The following SEMA3D variants were observed in gnomAD, a reference collection of about 807,000 sequenced individuals.
SEMA3D encodes semaphorin-3D.
Under a neutral mutation model 100.1 loss-of-function variants are expected in SEMA3D, and 84 were observed. That is an observed-to-expected ratio of 0.84 (90% confidence interval 0.70 to 1.01). The LOEUF (loss-of-function observed/expected upper bound fraction) is 1.01, where lower values mean the gene tolerates loss of function less well. Among genes scored for constraint, SEMA3D ranks in the 50% least tolerant of loss-of-function variants. The pLI is 0.00. For synonymous variants in SEMA3D, 312 were observed against 320.7 expected (o/e 0.97, Z 0.29); for missense variants, 875 against 934.1 (o/e 0.94, Z 0.82).
intron 2 of SEMA3D, among the ~76,000 whole-genome samples, chr7:85,134,110 G>A (rs1038801281): frequency 2.6e-5 from 4 of 151,938 alleles, no homozygotes; most frequent in Middle Eastern, 3.4e-3. Flanking sequence ...ATTTTCCTCC[G>A]AACTTCTAAT....
chr7:85,055,959 T>G (rs1406845315), intron 8 of SEMA3D, 100 bp from the exon 9 acceptor site: 1 of 617,822 alleles, frequency 1.6e-6, no homozygotes, highest in Non-Finnish European at 2.7e-6. Flanking sequence ...AGTAGAATTT[T>G]TAAAAAATGA....
At chr7:85,219,188 T>G in the SEMA3D span, among the ~76,000 whole-genome samples, 1 of 151,916 alleles carries the variant, frequency 6.6e-6, no homozygotes, top group South Asian at 2.1e-4. Context: ...TGTGGTGGCA[T>G]CTGCCAGAGG....
intron 2 of SEMA3D, among the ~76,000 whole-genome samples, chr7:85,136,834 C>A (rs1405344914): frequency 6.6e-6 from 1 of 152,022 alleles, no homozygotes; most frequent in African/African-American, 2.4e-5. Flanking sequence ...GGAACATGAA[C>A]AGGGATCCAC....
At chr7:85,067,272 G>A (rs1452496605) in intron 7 of SEMA3D, among the ~76,000 whole-genome samples, 3 of 152,026 alleles carry the variant, frequency 2.0e-5, no homozygotes, top group Non-Finnish European at 2.9e-5. Context: ...AACAACTGCC[G>A]CCAATCTATT....
rs201171293 is a variant in SEMA3D at position 85,168,734 on chromosome 7, T to TTA, written c.-172-14997_-172-14996dup. ...CTGAACACTTAGCACTTATCTTAAA[T>TTA]TATATATATATCTGTGTGTCTGTAT... On this transcript the variant is annotated intron_variant, in intron 1 of 18. Transcript: ENST00000284136. Among the ~76,000 whole-genome samples the TTA allele has an allele frequency of 6.3e-4, 94 of 149,710 alleles. 2 individuals are homozygous for TTA. Among genetic ancestry groups the TTA allele is most frequent in the African/African-American group, 1.7e-3 (70 of 40,888 alleles).
chr7:85,105,625 C>G lies in SEMA3D; in HGVS notation c.152-7660G>C, dbSNP rs533533408. On this transcript the variant is annotated intron_variant, in intron 3 of 18. Transcript: ENST00000284136. Reference sequence around the variant, plus strand: ...GTGAATATTATGTTATTATTATGCTCTCTTAGATATCATTAAGCTATCCAC... The same window carrying G: ...GTGAATATTATGTTATTATTATGCTGTCTTAGATATCATTAAGCTATCCAC... Among the ~76,000 whole-genome samples the G allele has an allele frequency of 6.6e-5, 10 of 152,194 alleles. No individual in the cohort carries two copies. The East Asian group carries it at 1.7e-3, about 27-fold the overall frequency.
At chr7:85,198,865 T>G in the SEMA3D span, among the ~76,000 whole-genome samples, 1 of 151,330 alleles carries the variant, frequency 6.6e-6, no homozygotes, top group Non-Finnish European at 1.5e-5. Flanking sequence ...CTATTTGTTC[T>G]TTAACTTTTT....
At chr7:85,121,373 A>C (rs1014387689) in intron 3 of SEMA3D, among the ~76,000 whole-genome samples, 2 of 152,150 alleles carry the variant, frequency 1.3e-5, no homozygotes, top group African/African-American at 4.8e-5. Context: ...ATTCTTTTTG[A>C]AGATACCTTA....
chr7:85,144,102 AAT>A (rs1790132285), intron 2 of SEMA3D, among the ~76,000 whole-genome samples: 1 of 152,160 alleles, frequency 6.6e-6, no homozygotes, highest in Non-Finnish European at 1.5e-5. Flanking sequence ...TCCAATATAT[AAT>A]CATTTTAACA....
At chr7:85,116,400 A>T (rs1455514656) in intron 3 of SEMA3D, among the ~76,000 whole-genome samples, 1 of 146,930 alleles carries the variant, frequency 6.8e-6, no homozygotes, top group African/African-American at 2.5e-5. Flanking sequence ...ACATAAATAT[A>T]TACATATACA....
intron 2 of SEMA3D, among the ~76,000 whole-genome samples, chr7:85,153,340 G>A (rs1236192440): frequency 3.3e-5 from 5 of 152,120 alleles, no homozygotes; most frequent in Non-Finnish European, 5.9e-5. Context: ...TGATACAGCA[G>A]AGACCCAATC....
chr7:85,017,363 G>A (rs1288193518), intron 15 of SEMA3D, among the ~76,000 whole-genome samples: 2 of 151,712 alleles, frequency 1.3e-5, no homozygotes, highest in Non-Finnish European at 2.9e-5. Context: ...GCTTCTGGAG[G>A]TTAATGGCGA....
intron 8 of SEMA3D, among the ~76,000 whole-genome samples, chr7:85,064,238 C>T (rs547204082): frequency 2.0e-5 from 3 of 148,702 alleles, no homozygotes; most frequent in Admixed American, 6.6e-5. Flanking sequence ...TCTTTTTACT[C>T]AAATAGGTAT....
chr7:85,181,795 T>C lies in SEMA3D; in HGVS notation c.-173+4883A>G, dbSNP rs74987507. 3,095 of 978,428 alleles carry C rather than the reference T, an allele frequency of 3.2e-3. 32 individuals carry two copies. In the South Asian group the frequency reaches 0.042, roughly 13 times the overall value. The allele number at this position is 978,428 out of a possible 1,614,324, so 60.6% of individuals were successfully genotyped here. On this transcript the variant is annotated intron_variant, in intron 1 of 18. Coordinates refer to ENST00000284136, the MANE Select transcript of SEMA3D (RefSeq NM_001384900.1). ...GACCAGTGAAAGATTAGCATGCTAGTTAAAGATGACCTGGTTGATGGCTGT... is the reference window on the plus strand; with the variant it reads ...GACCAGTGAAAGATTAGCATGCTAGCTAAAGATGACCTGGTTGATGGCTGT...
intron 2 of SEMA3D, among the ~76,000 whole-genome samples, chr7:85,132,953 G>T (rs1425106507): frequency 1.3e-5 from 2 of 151,818 alleles, no homozygotes; most frequent in African/African-American, 2.4e-5. Context: ...ATATATTCGT[G>T]TTCAGAAAGT....
chr7:85,187,083 G>A (rs185518382), upstream of SEMA3D, among the ~76,000 whole-genome samples: 10 of 152,168 alleles, frequency 6.6e-5, no homozygotes, highest in East Asian at 1.7e-3. Flanking sequence ...AAACGCCGGG[G>A]ATTACCTTTC....
At chr7:85,062,954 A>G (rs572150655) in intron 8 of SEMA3D, among the ~76,000 whole-genome samples, 115 of 152,318 alleles carry the variant, frequency 7.5e-4, no homozygotes, top group African/African-American at 2.7e-3. Flanking sequence ...AAGAGATAGT[A>G]GAGAATCACA....
intron 1 of SEMA3D, chr7:85,167,338 A>G (rs1477514748): frequency 1.0e-6 from 1 of 982,910 alleles, no homozygotes. Flanking sequence ...ATGTTCTCAT[A>G]GAAACATAAA....
chr7:85,140,869 CA>C (rs1790027659), intron 2 of SEMA3D: 1 of 789,310 alleles, frequency 1.3e-6, no homozygotes, highest in Non-Finnish European at 1.5e-6. Context: ...GGTAGGTATA[CA>C]AAAAGAAAAT....
Sources: gnomAD v4.1 joint callset for allele counts (sites outside exome capture counted in the v4.1 genomes callset) on GRCh38, gnomAD v4.1.1 for gene constraint, MANE v1.5 for transcripts, NCBI Gene and HGNC (gene_info 2026-07-23, HGNC 2026-07-21) for gene names.